TMEM51: variants seen among roughly 807,000 people sequenced by gnomAD.
TMEM51 encodes the protein transmembrane protein 51, also known as chromosome 1 open reading frame 72.
TMEM51 carries 8 observed loss-of-function variants against 13.6 expected under a neutral mutation model. The observed-to-expected ratio is 0.59, with a 90% CI of 0.35 to 1.07. The LOEUF is 1.07. Ranked by LOEUF, TMEM51 falls within the 50% of genes least tolerant of loss-of-function variation. The pLI is 0.02. For synonymous variants in TMEM51, 147 were observed against 144.4 expected, an observed-to-expected ratio of 1.02 and a Z score of -0.13; for missense variants, 279 against 330.7, an observed-to-expected ratio of 0.84 and a Z score of 1.21.
At chr1:15,195,229 G>C (rs942575706) in intron 1 of TMEM51, among the ~76,000 whole-genome samples, 1 of 152,140 alleles carries the variant, frequency 6.6e-6, no homozygotes, top group African/African-American at 2.4e-5. Context: ...CACTGCACCG[G>C]CCTGCCCCAT....
chr1:15,195,152 C>T (rs1001931930), intron 1 of TMEM51, among the ~76,000 whole-genome samples: 1 of 151,802 alleles, frequency 6.6e-6, no homozygotes, highest in Non-Finnish European at 1.5e-5. Context: ...AGGCTGGTCT[C>T]GATTTCCTGA....
chr1:15,168,593 G>A (rs1392626647), intron 1 of TMEM51: 1 of 1,304,648 alleles, frequency 7.7e-7, no homozygotes, highest in Non-Finnish European at 1.0e-6. Context: ...GCCTGGCTGA[G>A]CCAAGAGAGA....
chr1:15,209,177 C>A (rs1304798121), intron 1 of TMEM51, among the ~76,000 whole-genome samples: 2 of 151,928 alleles, frequency 1.3e-5, no homozygotes, highest in Non-Finnish European at 2.9e-5. Flanking sequence ...TCAAGCAGAT[C>A]CTCCCACCTC....
At chr1:15,192,069 C>T in intron 1 of TMEM51, 2 of 508,802 alleles carry the variant, frequency 3.9e-6, no homozygotes, top group Non-Finnish European at 4.0e-6. Context: ...TAGAAGTGGC[C>T]GGAGCAGACC....
At chr1:15,175,868 G>T (rs1382006178) in intron 1 of TMEM51, among the ~76,000 whole-genome samples, 2 of 152,288 alleles carry the variant, frequency 1.3e-5, no homozygotes, top group South Asian at 2.1e-4. Context: ...TGAGATTTGG[G>T]TGGGCGCACA....
At chr1:15,184,939 G>A (rs1182950393) in intron 1 of TMEM51, among the ~76,000 whole-genome samples, 2 of 151,952 alleles carry the variant, frequency 1.3e-5, no homozygotes, top group Admixed American at 6.6e-5. Flanking sequence ...GCACAGCACA[G>A]CACTCCCAAC....
intron 1 of TMEM51, among the ~76,000 whole-genome samples, chr1:15,188,502 AC>A (rs1643853672): frequency 6.6e-6 from 1 of 152,140 alleles, no homozygotes; most frequent in African/African-American, 2.4e-5. Flanking sequence ...AGCCCAGCTC[AC>A]CCAGCCCAGC....
At chr1:15,185,655 T>C (rs1409443930) in intron 1 of TMEM51, among the ~76,000 whole-genome samples, 1 of 152,234 alleles carries the variant, frequency 6.6e-6, no homozygotes, top group East Asian at 1.9e-4. Context: ...TTCTTAGCCT[T>C]GTACTTCCAG....
chr1:15,160,435 G>A (rs758442545), intron 1 of TMEM51, among the ~76,000 whole-genome samples: 5 of 151,878 alleles, frequency 3.3e-5, no homozygotes, highest in African/African-American at 9.7e-5. Context: ...CACCACGCCC[G>A]GCCAATTTTT....
At chr1:15,155,233 T>C (rs1352263024) in intron 1 of TMEM51, among the ~76,000 whole-genome samples, 1 of 147,014 alleles carries the variant, frequency 6.8e-6, no homozygotes. Flanking sequence ...CTGACAGCTC[T>C]CTGATGGGGT....
At chr1:15,209,065 GTT>G (rs371127880) in intron 1 of TMEM51, among the ~76,000 whole-genome samples, 251 of 152,036 alleles carry the variant, frequency 1.7e-3, no homozygotes, top group African/African-American at 5.9e-3. Flanking sequence ...GTGTGTGTGT[GTT>G]TGTTTGTTTC....
rs1573424414 is a variant in TMEM51 at position 15,194,646 on chromosome 1, G to A, written c.-266-15844G>A. Among the ~76,000 whole-genome samples, 4 of 152,268 alleles carry A rather than the reference G, an allele frequency of 2.6e-5. No individual in the cohort carries two copies. In the South Asian group the frequency reaches 8.3e-4, roughly 32 times the overall value. ...CACAGCCGCTTCCTATCTTTTCGTT[G>A]TTATTCTTTTATTCCTCTTTTCTCC... On this transcript the variant is annotated intron_variant, in intron 1 of 3. Transcript: ENST00000376008.
rs1557841738 is a variant in TMEM51, at chr1:15,182,206, A to ACTG, written c.-267+28252_-267+28253insCTG. On this transcript the variant is annotated intron_variant, in intron 1 of 3. Transcript: ENST00000376008. ...TAAATAAATAAATAAATAAATAAAT[A>ACTG]ACTGCACTAGGCTGAAAGCAGAATG... 9.8e-4 allele frequency among the ~76,000 whole-genome samples: 146 copies of ACTG among 148,928 alleles called. 1 individual carries two copies. Among genetic ancestry groups the ACTG allele is most frequent in the East Asian group, 5.1e-3 (26 of 5,062 alleles).
intron 1 of TMEM51, among the ~76,000 whole-genome samples, chr1:15,182,205 T>TG (rs35584467): frequency 0.28 from 42,249 of 148,776 alleles, 6,508 homozygotes; most frequent in East Asian, 0.48. Context: ...AATAAATAAA[T>TG]AACTGCACTA....
At chr1:15,209,106 G>T (rs1644297109) in intron 1 of TMEM51, among the ~76,000 whole-genome samples, 1 of 151,928 alleles carries the variant, frequency 6.6e-6, no homozygotes, top group East Asian at 1.9e-4. Flanking sequence ...GTCTCATTCT[G>T]TCACCCAGGC....
chr1:15,219,301 T>C (rs1196659364), intron 3 of TMEM51, 25 bp from the exon 4 acceptor site: 1 of 1,555,570 alleles, frequency 6.4e-7, no homozygotes, highest in Non-Finnish European at 8.7e-7. Context: ...GCTAACACTC[T>C]CCCTGTCTGT....
chr1:15,168,517 T>G lies in TMEM51; in HGVS notation c.-267+14563T>G. The G allele has an allele frequency of 3.8e-6, 5 of 1,304,712 alleles. No individual in the cohort carries two copies. The South Asian group carries it at 6.2e-5, about 16-fold the overall frequency. 80.8% of individuals were successfully genotyped at this position (1,304,712 alleles called of 1,614,324 possible). A position where few individuals can be genotyped will look rare whatever the true frequency, so the allele number is the denominator to read the frequency against. On this transcript the variant is annotated intron_variant, in intron 1 of 3. Transcript: ENST00000376008. The stretch of plus-strand genomic sequence containing the variant: ...GTATTATTGCCCCTTGGTTTTATGA[T>G]TGGAAGCTGGTAGAACCACTGATTT...
intron 3 of TMEM51, among the ~76,000 whole-genome samples, chr1:15,217,255 C>A (rs12071760): frequency 3.3e-5 from 5 of 152,192 alleles, no homozygotes; most frequent in Non-Finnish European, 7.4e-5. Flanking sequence ...CAGTTACCAC[C>A]CCTTTCCATG....
At chr1:15,195,768 C>A (rs1174220362) in intron 1 of TMEM51, among the ~76,000 whole-genome samples, 1 of 152,170 alleles carries the variant, frequency 6.6e-6, no homozygotes, top group Non-Finnish European at 1.5e-5. Context: ...TGATTCCAGA[C>A]TCCAGCAGCC....
Sources: gnomAD v4.1 joint callset for allele counts (sites outside exome capture counted in the v4.1 genomes callset) on GRCh38, gnomAD v4.1.1 for gene constraint, MANE v1.5 for transcripts, NCBI Gene and HGNC (gene_info 2026-07-23, HGNC 2026-07-21) for gene names.